The following THPO variants were observed in gnomAD, a reference collection of about 807,000 sequenced individuals.
THPO encodes the protein MPL ligand.
THPO carries 12 observed loss-of-function variants against 17.0 expected under a neutral mutation model. That is an observed-to-expected ratio of 0.71 (90% CI 0.45 to 1.14). The LOEUF (loss-of-function observed/expected upper bound fraction) is 1.14. Ranked by LOEUF, THPO falls within the 50% of genes most tolerant of loss-of-function variation. THPO has a pLI of 0.00. For missense variants in THPO, 365 were observed against 427.5 expected (o/e 0.85, Z 1.29); for synonymous variants, 188 against 183.0 (o/e 1.03, Z -0.22).
At position 184,373,566 on chromosome 3, in the gene THPO, T is replaced by C. The variant is rs1038963770; in HGVS notation, c.245A>G (p.Gln82Arg). Residue 82 changes from glutamine (Q) to arginine (R), a missense_variant, in exon 5 of 6, where the codon CAG (glutamine) becomes CGG (arginine). Physicochemically the swap from Gln to Arg is conservative, Grantham distance 43. Coordinates refer to ENST00000647395, the MANE Select transcript of THPO (RefSeq NM_000460.4). ...WKTQMEETKA[Q>R]DILGAVTLLL... ...AAGGGTCACTGCTCCCAGAATGTCC[T>C]GTGCCTTGGTCTCCTCCTGAGAAAG... 1.9e-6 allele frequency: 3 copies of C among 1,614,112 alleles called. No homozygotes were observed. The highest frequency in any genetic ancestry group is 2.2e-5 in the South Asian group (2 of 91,078).
At position 184,372,763 on chromosome 3, in the gene THPO, G is replaced by T; in HGVS notation, c.812C>A (p.Ala271Asp). The change falls in exon 6 of 6, where the codon GCC becomes GAC. Residue 271 changes from alanine (A) to aspartate (D), a missense_variant. Coordinates refer to ENST00000647395, the MANE Select transcript of THPO (RefSeq NM_000460.4). ...TGATGTTCCTGAGGAAATGTCCGGGGCTCCTAGGGTCCTGCGTGAGGGTCC... is the reference window on the plus strand; with the variant it reads ...TGATGTTCCTGAGGAAATGTCCGGGTCTCCTAGGGTCCTGCGTGAGGGTCC... ...FPGPSRRTLG[A>D]PDISSGTSDT... 1 of 1,613,984 alleles carries T rather than the reference G, an allele frequency of 6.2e-7. No individual in the cohort carries two copies. Among genetic ancestry groups the T allele is most frequent in the Admixed American group, 1.7e-5 (1 of 60,014 alleles).
At chr3:184,378,795 G>A (rs535683131), upstream of THPO, 400 of 985,210 alleles carry the variant, frequency 4.1e-4, no homozygotes, top group Non-Finnish European at 4.8e-4. Context: ...GGCTTAGATG[G>A]CTACACACAC....
Position 184,372,480 on chromosome 3 carries a change from A to C in THPO, c.*33T>G. On this transcript the variant is annotated 3_prime_UTR_variant, in exon 6 of 6. Transcript: ENST00000647395. ...CCTGCAGGGAAGGGAGCTGTACACG[A>C]GACAATGCTGATGTCGGCAGTGTCT... is the stretch of plus-strand genomic sequence containing the variant. The C allele has an allele frequency of 1.9e-6, 3 of 1,613,690 alleles. No individual in the cohort carries two copies. Among genetic ancestry groups the C allele is most frequent in the South Asian group, 1.1e-5 (1 of 91,048 alleles).
rs886058219 is a variant in THPO at position 184,378,144 on chromosome 3, A to T, written c.-215T>A. ...CTCTGGGGAGCAGATGGGTAGGAAG[A>T]CATGTGGCGGTGGGGCACAGCCCCT... is the stretch of plus-strand genomic sequence containing the variant. On this transcript the variant is annotated 5_prime_UTR_variant, in exon 1 of 6. Transcript: ENST00000647395. The T allele has an allele frequency of 1.5e-5, 15 of 985,470 alleles. No homozygotes were observed. The highest frequency in any genetic ancestry group is 1.2e-4 in the Admixed American group (2 of 16,276). The allele number at this position is 985,470 out of a possible 1,614,324, so 61.0% of individuals were successfully genotyped here.
chr3:184,375,813 G>A (rs1714341216), intron 3 of THPO, 75 bp downstream of exon 3: 1 of 1,604,310 alleles, frequency 6.2e-7, no homozygotes, highest in East Asian at 2.2e-5. Context: ...GTTAGAGGAA[G>A]TGATGGTGTC....
At position 184,372,363 on chromosome 3, in the gene THPO, G is replaced by A. The variant is rs957600465; in HGVS notation, c.*150C>T. 10 of 919,438 alleles carry A rather than the reference G, an allele frequency of 1.1e-5. No individual in the cohort carries two copies. The African/African-American group carries it at 1.2e-4, about 11-fold the overall frequency. 57.0% of individuals were successfully genotyped at this position (919,438 alleles called of 1,614,324 possible). A position where few individuals can be genotyped will look rare whatever the true frequency, so the allele number is the denominator to read the frequency against. ...AGGTTTATAATGTACAGTGAAAAAT[G>A]ATTCCCTTTTCAGTCCTGTGTATCC... On this transcript the variant is annotated 3_prime_UTR_variant, in exon 6 of 6. Coordinates refer to ENST00000647395, the MANE Select transcript of THPO (RefSeq NM_000460.4).
intron 5 of THPO, 29 bp downstream of exon 5, chr3:184,373,386 T>G: frequency 6.2e-7 from 1 of 1,613,618 alleles, no homozygotes; most frequent in Non-Finnish European, 8.5e-7. Context: ...AAAGAACAGT[T>G]TCTACAGATC....
chr3:184,378,382 A>T, upstream of THPO: 1 of 985,510 alleles, frequency 1.0e-6, no homozygotes, highest in Non-Finnish European at 1.2e-6. Flanking sequence ...TGGGACCTGG[A>T]GGGGGACAGG....
rs569729634 is a variant in THPO, at chr3:184,372,369, C to A, written c.*144G>T. ...ATAATGTACAGTGAAAAATGATTCC[C>A]TTTTCAGTCCTGTGTATCCCTTTTA... is the stretch of plus-strand genomic sequence containing the variant. On this transcript the variant is annotated 3_prime_UTR_variant, in exon 6 of 6. Transcript: ENST00000647395. 18 of 986,098 alleles carry A rather than the reference C, an allele frequency of 1.8e-5. No homozygotes were observed. The East Asian group carries it at 4.4e-4, about 24-fold the overall frequency. The allele number at this position is 986,098 out of a possible 1,614,324, so 61.1% of individuals were successfully genotyped here.
At chr3:184,375,339 C>A (rs1714299395) in intron 4 of THPO, among the ~76,000 whole-genome samples, 176 bp downstream of exon 4, 1 of 152,184 alleles carries the variant, frequency 6.6e-6, no homozygotes, top group African/African-American at 2.4e-5. Context: ...ATTGGACCTG[C>A]AAGCCATCAT....
At chr3:184,374,352 G>A (rs557189347) in intron 4 of THPO, among the ~76,000 whole-genome samples, 8 of 152,214 alleles carry the variant, frequency 5.3e-5, no homozygotes, top group Admixed American at 1.3e-4. Context: ...AGTCCTGAAG[G>A]AAGAAGGGAC....
Position 184,378,156 on chromosome 3 carries a change from G to A in THPO, c.-227C>T. On this transcript the variant is annotated 5_prime_UTR_variant, in exon 1 of 6. Coordinates refer to ENST00000647395, the MANE Select transcript of THPO (RefSeq NM_000460.4). ...GATGGGTAGGAAGACATGTGGCGGT[G>A]GGGCACAGCCCCTCCACAGCAGCAG... 1 of 985,546 alleles carries A rather than the reference G, an allele frequency of 1.0e-6. No individual in the cohort carries two copies. The allele number at this position is 985,546 out of a possible 1,614,324, so 61.1% of individuals were successfully genotyped here. A position where few individuals can be genotyped will look rare whatever the true frequency, so the allele number is the denominator to read the frequency against.
chr3:184,376,154 C>T (rs1428164501), intron 2 of THPO, 93 bp downstream of exon 2: 1 of 1,611,870 alleles, frequency 6.2e-7, no homozygotes, highest in African/African-American at 1.3e-5. Flanking sequence ...AGAATGGGTT[C>T]CCCCAGCTTC....
At chr3:184,375,686 G>T in intron 3 of THPO, 85 bp from the exon 4 acceptor site, 1 of 1,498,162 alleles carries the variant, frequency 6.7e-7, no homozygotes, top group Non-Finnish European at 9.3e-7. Flanking sequence ...TCCTCCATGA[G>T]TACTATCTCT....
Position 184,372,890 on chromosome 3 carries a change from T to C in THPO, c.685A>G (p.Ile229Val), listed in dbSNP as rs1365884284. The change falls in exon 6 of 6, where the codon ATT becomes GTT. Residue 229 changes from isoleucine to valine, a missense_variant. Ile to Val is a conservative substitution (Grantham distance 29). Coordinates refer to ENST00000647395, the MANE Select transcript of THPO (RefSeq NM_000460.4). ...GAGGTTTGGTTCAGCAGACCAGGAA[T>C]CTTGGCTCTGAATCCCTGCTGCCAC... ...LKWQQGFRAK[I>V]PGLLNQTSRS... 1.2e-6 allele frequency: 2 copies of C among 1,613,984 alleles called. No individual in the cohort carries two copies. The highest frequency in any genetic ancestry group is 1.7e-5 in the Admixed American group (1 of 59,998).
chr3:184,375,533 T>A lies in THPO; in HGVS notation c.210A>T (p.Gly70=), dbSNP rs771020085. The part of the protein sequence containing the change: ...VLLPAVDFSL[G]EWKTQMEETK... The stretch of plus-strand genomic sequence containing the variant: ...TTCTTACCATCTGGGTTTTCCATTC[T>A]CCCAAGCTAAAGTCCACAGCAGGCA... Residue 70 remains glycine (G), a synonymous_variant, in exon 4 of 6, where the codon GGA becomes GGT. Coordinates refer to ENST00000647395, the MANE Select transcript of THPO (RefSeq NM_000460.4). 8.1e-6 allele frequency: 13 copies of A among 1,614,020 alleles called. No homozygotes were observed. The highest frequency in any genetic ancestry group is 8.5e-6 in the Non-Finnish European group (10 of 1,180,036).
At position 184,378,148 on chromosome 3, in the gene THPO, G is replaced by GT; in HGVS notation, c.-220dup. Reference sequence around the variant, plus strand: ...GGGGAGCAGATGGGTAGGAAGACATGTGGCGGTGGGGCACAGCCCCTCCAC... The same window carrying GT: ...GGGGAGCAGATGGGTAGGAAGACATGTTGGCGGTGGGGCACAGCCCCTCCAC... On this transcript the variant is annotated 5_prime_UTR_variant, in exon 1 of 6. It removes the in-frame stop codon of an upstream open reading frame in the 5' UTR. Transcript: ENST00000647395. 1.0e-6 allele frequency: 1 copy of GT among 985,554 alleles called. No individual in the cohort carries two copies. The highest frequency in any genetic ancestry group is 1.2e-6 in the Non-Finnish European group (1 of 830,010). The allele number at this position is 985,554 out of a possible 1,614,324, so 61.1% of individuals were successfully genotyped here.
At chr3:184,373,620 A>G (rs1714149009) in intron 4 of THPO, 38 bp from the exon 5 acceptor site, 1 of 1,610,910 alleles carries the variant, frequency 6.2e-7, no homozygotes, top group South Asian at 1.1e-5. Context: ...CACTGCCTCA[A>G]AGGGCACACT....
chr3:184,374,368 G>A (rs758641670), intron 4 of THPO, among the ~76,000 whole-genome samples: 5 of 152,136 alleles, frequency 3.3e-5, no homozygotes, highest in African/African-American at 9.7e-5. Flanking sequence ...GGGACGCTAG[G>A]GTTCTTGAGG....
Sources: gnomAD v4.1 joint callset for allele counts (sites outside exome capture counted in the v4.1 genomes callset) on GRCh38, gnomAD v4.1.1 for gene constraint, MANE v1.5 for transcripts, NCBI Gene and HGNC (gene_info 2026-07-23, HGNC 2026-07-21) for gene names.